TMLHE: variants seen among roughly 807,000 people sequenced by gnomAD.
The protein encoded by TMLHE is trimethyllysine dioxygenase, mitochondrial.
TMLHE carries 18 observed loss-of-function variants against 25.7 expected under a neutral mutation model. The ratio of observed to expected loss-of-function variants is 0.70; its 90% confidence interval spans 0.48 to 1.04. TMLHE has a LOEUF of 1.04. Ranked by LOEUF, TMLHE falls within the 50% of genes least tolerant of loss-of-function variation. The pLI, the probability that TMLHE is intolerant of heterozygous loss-of-function variation, is 0.00. For missense variants in TMLHE, 236 were observed against 259.0 expected, an observed-to-expected ratio of 0.91 and a Z score of 0.61; for synonymous variants, 105 against 97.0, an observed-to-expected ratio of 1.08 and a Z score of -0.49.
At chrX:155,493,166 AAT>A (rs2067042091) in intron 6 of TMLHE, 1 of 102,142 alleles carries the variant, frequency 9.8e-6, no homozygotes, top group Non-Finnish European at 2.0e-5. Context: ...ATGAAAAAAT[AAT>A]AGTGTTATAT....
intron 1 of TMLHE, among the ~76,000 whole-genome samples, chrX:155,556,359 G>A (rs1356080690): frequency 1.8e-5 from 2 of 110,292 alleles, no homozygotes; most frequent in Admixed American, 9.7e-5. Flanking sequence ...CGATAATCAC[G>A]TGGGTTCTTT....
intron 1 of TMLHE, among the ~76,000 whole-genome samples, chrX:155,581,997 C>G (rs781985310): frequency 8.9e-6 from 1 of 111,758 alleles, no homozygotes; most frequent in Non-Finnish European, 1.9e-5. Context: ...GGGAACAGAA[C>G]AGAGCCCTCA....
chrX:155,514,693 G>C (rs1248156223), intron 3 of TMLHE, among the ~76,000 whole-genome samples: 1 of 110,653 alleles, frequency 9.0e-6, no homozygotes, highest in Non-Finnish European at 1.9e-5. Flanking sequence ...TACAGATGGA[G>C]AAAAAGTCAG....
chrX:155,550,915 A>G (rs781991039), intron 1 of TMLHE, among the ~76,000 whole-genome samples: 49 of 111,209 alleles, frequency 4.4e-4, no homozygotes, highest in Non-Finnish European at 6.8e-4. Flanking sequence ...TTGACAACTA[A>G]CAAATTATTT....
intron 1 of TMLHE, among the ~76,000 whole-genome samples, chrX:155,547,694 A>C (rs1236850657): frequency 9.2e-6 from 1 of 108,509 alleles, no homozygotes; most frequent in Non-Finnish European, 1.9e-5. Context: ...GTTTTATATT[A>C]ACTTAAAAAT....
chrX:155,606,287 G>T (rs1034362616), intron 1 of TMLHE, among the ~76,000 whole-genome samples: 14 of 111,463 alleles, frequency 1.3e-4, no homozygotes, highest in African/African-American at 4.6e-4. Flanking sequence ...AAAAACAACA[G>T]ACTATACATT....
chrX:155,582,721 G>T (rs1557344726), intron 1 of TMLHE, among the ~76,000 whole-genome samples: 3 of 112,115 alleles, frequency 2.7e-5, no homozygotes, highest in South Asian at 3.7e-4. Flanking sequence ...TACATTGTTG[G>T]TGGGACTGTA....
At chrX:155,566,448 G>T (rs782300095) in intron 1 of TMLHE, among the ~76,000 whole-genome samples, 1 of 61,781 alleles carries the variant, frequency 1.6e-5, no homozygotes, top group East Asian at 7.2e-4. Flanking sequence ...AACCATCAAG[G>T]ACTGTCCAAG....
chrX:155,573,997 A>G (rs2067574536), intron 1 of TMLHE, among the ~76,000 whole-genome samples: 1 of 105,982 alleles, frequency 9.4e-6, no homozygotes, highest in Non-Finnish European at 1.9e-5. Flanking sequence ...AATAAAATAA[A>G]ATAAAATAAA....
intron 1 of TMLHE, among the ~76,000 whole-genome samples, chrX:155,559,386 A>G (rs2124443486): frequency 9.0e-6 from 1 of 111,299 alleles, no homozygotes; most frequent in South Asian, 3.8e-4. Context: ...TAAAAAAAAG[A>G]AAGTATGAAC....
intron 1 of TMLHE, among the ~76,000 whole-genome samples, chrX:155,549,866 C>T (rs1163291436): frequency 9.1e-6 from 1 of 109,738 alleles, no homozygotes; most frequent in Non-Finnish European, 1.9e-5. Context: ...CTAATGCTAT[C>T]CCTCCCCTAG....
intron 1 of TMLHE, among the ~76,000 whole-genome samples, chrX:155,588,715 T>C (rs782370629): frequency 4.5e-5 from 5 of 110,849 alleles, no homozygotes; most frequent in Non-Finnish European, 7.6e-5. Flanking sequence ...CAAATTGCCA[T>C]CAGCTGTAGG....
At chrX:155,515,247 ACT>A (rs2067144303) in intron 3 of TMLHE, among the ~76,000 whole-genome samples, 1 of 109,980 alleles carries the variant, frequency 9.1e-6, no homozygotes, top group African/African-American at 3.3e-5. Flanking sequence ...AAAATTTGGG[ACT>A]CTGCCATTGT....
intron 2 of TMLHE, among the ~76,000 whole-genome samples, chrX:155,536,944 C>T (rs1424993041): frequency 9.0e-6 from 1 of 111,728 alleles, no homozygotes; most frequent in South Asian, 3.7e-4. Context: ...AATTTTAATA[C>T]AGAAAAGAAA....
chrX:155,529,792 C>G (rs1050269192), intron 2 of TMLHE, among the ~76,000 whole-genome samples: 1 of 112,058 alleles, frequency 8.9e-6, no homozygotes, highest in Non-Finnish European at 1.9e-5. Flanking sequence ...TTCCTAATCT[C>G]TAGGATATCT....
Position 155,524,594 on chromosome X carries a change from C to T in TMLHE, c.220G>A (p.Val74Ile), listed in dbSNP as rs201374974. Residue 74 changes from valine to isoleucine, a missense_variant, in exon 3 of 8, where the codon GTC becomes ATC. Val to Ile is a conservative substitution (Grantham distance 29, BLOSUM62 3). Coordinates refer to ENST00000334398, the MANE Select transcript of TMLHE (RefSeq NM_018196.4). ...GAGCGGCAGTGGTCTCGAAGCCAGA[C>T]GTAATCAAAGCGCATCACGGTATTA... is the stretch of plus-strand genomic sequence containing the variant. Reference protein sequence around the residue: ...YANTVMRFDYVWLRDHCRSAS... With the variant: ...YANTVMRFDYIWLRDHCRSAS... 293 of 1,201,428 alleles carry T rather than the reference C, an allele frequency of 2.4e-4. 1 individual carries two copies. Among genetic ancestry groups the T allele is most frequent in the Admixed American group, 5.5e-4 (25 of 45,063 alleles).
chrX:155,548,532 GAGGCC>G (rs2067378087), intron 1 of TMLHE, among the ~76,000 whole-genome samples: 2 of 107,436 alleles, frequency 1.9e-5, no homozygotes, highest in Middle Eastern at 4.3e-3. Context: ...TCAGCAGTAT[GAGGCC>G]AGCCTGACTA....
intron 1 of TMLHE, among the ~76,000 whole-genome samples, chrX:155,585,393 G>C (rs937410056): frequency 2.1e-5 from 2 of 93,461 alleles, no homozygotes; most frequent in Non-Finnish European, 2.1e-5. Context: ...CAAGCAAGAG[G>C]ATATAAATTA....
At chrX:155,597,416 A>G (rs1557346676) in intron 1 of TMLHE, among the ~76,000 whole-genome samples, 1 of 111,537 alleles carries the variant, frequency 9.0e-6, no homozygotes, top group African/African-American at 3.3e-5. Context: ...AACTAGTTCA[A>G]CCATTGTGGA....
Sources: allele counts gnomAD v4.1 joint callset (sites outside exome capture counted in the v4.1 genomes callset), GRCh38; gene constraint gnomAD v4.1.1; transcripts MANE v1.5; gene names NCBI Gene and HGNC (gene_info 2026-07-23, HGNC 2026-07-21).